Variants in WWC1 observed in about 807,000 individuals in gnomAD.
WWC1 encodes the protein WW and C2 domain containing 1.
Under a neutral mutation model 138.4 loss-of-function variants are expected in WWC1, and 55 were observed. The observed-to-expected ratio is 0.40, with a 90% CI of 0.32 to 0.50. The LOEUF is 0.50. WWC1 is among the 20% of genes least tolerant of loss of function. The pLI is 0.72. For synonymous variants in WWC1, 524 were observed against 564.9 expected (o/e 0.93, Z 1.03); for missense variants, 1,226 against 1,420.4 (o/e 0.86, Z 2.20).
Position 168,292,885 on chromosome 5 carries a change from G to A in WWC1, c.119+614G>A, listed in dbSNP as rs537782799. Among the ~76,000 whole-genome samples the A allele has an allele frequency of 6.6e-6, 1 of 152,186 alleles. No homozygotes were observed. Among genetic ancestry groups the A allele is most frequent in the African/African-American group, 2.4e-5 (1 of 41,454 alleles). On this transcript the variant is annotated intron_variant, in intron 1 of 22. Coordinates refer to ENST00000265293, the MANE Select transcript of WWC1 (RefSeq NM_015238.3). This position sits in a 1 kb window ranked among gnomAD's most constrained non-coding sequence, Gnocchi z 4.4. ...GAGGGTGGGGAGGAAGTGAAGAAGC[G>A]GGGGAGGGCAGATGAGGGAGACTGG...
At chr5:168,454,506 G>A (rs1444613865) in intron 18 of WWC1, among the ~76,000 whole-genome samples, 1 of 152,168 alleles carries the variant, frequency 6.6e-6, no homozygotes, top group African/African-American at 2.4e-5. Flanking sequence ...CTTTATGTGG[G>A]TCTGCCCACA....
At chr5:168,396,558 A>G (rs147376127) in intron 3 of WWC1, among the ~76,000 whole-genome samples, 150 of 152,318 alleles carry the variant, frequency 9.8e-4, no homozygotes, top group African/African-American at 3.2e-3. Context: ...CCGACCAAGA[A>G]TAACTGTTCT....
At chr5:168,383,938 T>C (rs1777843658) in intron 2 of WWC1, among the ~76,000 whole-genome samples, 1 of 152,212 alleles carries the variant, frequency 6.6e-6, no homozygotes, top group South Asian at 2.1e-4. Flanking sequence ...TACACATAAT[T>C]TTGTAAAAAA....
intron 1 of WWC1, among the ~76,000 whole-genome samples, chr5:168,342,747 C>G (rs1774143317): frequency 6.6e-6 from 1 of 152,088 alleles, no homozygotes. Flanking sequence ...GAAGACCCAG[C>G]TAAGGAAACC....
Position 168,293,784 on chromosome 5 carries a change from G to A in WWC1, c.119+1513G>A, listed in dbSNP as rs534449229. Among the ~76,000 whole-genome samples, 16 of 152,264 alleles carry A rather than the reference G, an allele frequency of 1.1e-4. No homozygotes were observed. In the South Asian group the frequency reaches 1.5e-3, roughly 14 times the overall value. On this transcript the variant is annotated intron_variant, in intron 1 of 22. Coordinates refer to ENST00000265293, the MANE Select transcript of WWC1 (RefSeq NM_015238.3). ...CCCAACTCCCATTTGAAACATAAGA[G>A]AAAATTTGAAGCCCAGAGGTGTGAT...
intron 2 of WWC1, among the ~76,000 whole-genome samples, chr5:168,375,095 T>G (rs1777065964): frequency 6.6e-6 from 1 of 152,054 alleles, no homozygotes; most frequent in Non-Finnish European, 1.5e-5. Flanking sequence ...CTTGACAGTT[T>G]GATATATAAA....
intron 1 of WWC1, among the ~76,000 whole-genome samples, chr5:168,297,433 C>T (rs534031777): frequency 3.4e-4 from 52 of 152,176 alleles, no homozygotes; most frequent in Non-Finnish European, 6.2e-4. Context: ...TCGAGACCAG[C>T]CTGACCAATA....
intron 21 of WWC1, among the ~76,000 whole-genome samples, chr5:168,465,695 T>C (rs1757234224): frequency 6.6e-6 from 1 of 151,744 alleles, no homozygotes; most frequent in Admixed American, 6.6e-5. Context: ...GTAACTGTGT[T>C]GACAGGTGCA....
intron 1 of WWC1, among the ~76,000 whole-genome samples, chr5:168,300,547 A>T (rs1581853425): frequency 6.7e-6 from 1 of 148,954 alleles, no homozygotes; most frequent in South Asian, 2.1e-4. Context: ...AAGAAAAGGG[A>T]CGGAGGCTTA....
intron 1 of WWC1, among the ~76,000 whole-genome samples, chr5:168,328,053 T>G (rs1283069721): frequency 6.6e-6 from 1 of 152,196 alleles, no homozygotes; most frequent in Non-Finnish European, 1.5e-5. Flanking sequence ...GTAACTTGCT[T>G]AAGGTCTCCC....
At chr5:168,430,286 C>G in intron 14 of WWC1, 63 bp downstream of exon 14, 1 of 1,378,140 alleles carries the variant, frequency 7.3e-7, no homozygotes, top group Non-Finnish European at 1.0e-6. Context: ...CCCTGGGGGT[C>G]ACTTTTCTGC....
At chr5:168,370,191 G>A (rs1023007769) in intron 1 of WWC1, among the ~76,000 whole-genome samples, 4 of 152,064 alleles carry the variant, frequency 2.6e-5, no homozygotes, top group Non-Finnish European at 4.4e-5. Context: ...GAATCACTGC[G>A]CTGGGCCCCG....
intron 1 of WWC1, among the ~76,000 whole-genome samples, chr5:168,345,708 A>G (rs1479135371): frequency 6.6e-6 from 1 of 152,184 alleles, no homozygotes; most frequent in East Asian, 1.9e-4. Flanking sequence ...CAATATTTGT[A>G]TAGGCATTGA....
In WWC1 at chr5:168,403,077, T is replaced by TTCTTTCTTTCTTC. The variant is rs1561712549; in HGVS notation, c.591-3121_591-3120insTCTTTCTTTCTTC. On this transcript the variant is annotated intron_variant, in intron 5 of 22. Transcript: ENST00000265293. Reference sequence around the variant, plus strand: ...TTCTTTCTTTCTTTCTTTCTTTCTTTCTTTTCTTTCTTTTCTTTCTTTCTT... The same window carrying TTCTTTCTTTCTTC: ...TTCTTTCTTTCTTTCTTTCTTTCTTTTCTTTCTTTCTTCCTTTTCTTTCTTTTCTTTCTTTCTT... 6.6e-4 allele frequency among the ~76,000 whole-genome samples: 90 copies of TTCTTTCTTTCTTC among 135,776 alleles called. 1 individual carries two copies. Among genetic ancestry groups the TTCTTTCTTTCTTC allele is most frequent in the Non-Finnish European group, 1.1e-3 (70 of 62,498 alleles). 89.1% of individuals were successfully genotyped at this position (135,776 alleles called of 152,430 possible).
chr5:168,440,413 A>G (rs984059640), intron 15 of WWC1, among the ~76,000 whole-genome samples: 3 of 152,242 alleles, frequency 2.0e-5, no homozygotes, highest in African/African-American at 7.2e-5. Context: ...TAGTTCCACT[A>G]AAAAATTAAA....
chr5:168,405,960 C>G (rs1055606822), intron 5 of WWC1, among the ~76,000 whole-genome samples: 1 of 152,092 alleles, frequency 6.6e-6, no homozygotes, highest in Non-Finnish European at 1.5e-5. Context: ...CTCCTGGCCT[C>G]AAGTGATCCA....
intron 6 of WWC1, 52 bp downstream of exon 6, chr5:168,406,379 C>G (rs781283821): frequency 6.2e-7 from 1 of 1,606,278 alleles, no homozygotes; most frequent in African/African-American, 1.3e-5. Flanking sequence ...CCTGAGTATT[C>G]CTGTATGCCA....
At position 168,292,356 on chromosome 5, in the gene WWC1, G is replaced by T; in HGVS notation, c.119+85G>T. On this transcript the variant is annotated intron_variant, in intron 1 of 22. Transcript: ENST00000265293. The surrounding 1 kb of genome is among the most constrained non-coding windows in gnomAD (Gnocchi z 4.4). ...CTGGAGCCGCCGGCCGGGACTGGGA[G>T]GGGGCAGGGGAGCTCTGCGTGCCTC... 4.7e-6 allele frequency: 7 copies of T among 1,476,296 alleles called. No individual in the cohort carries two copies. Among genetic ancestry groups the T allele is most frequent in the African/African-American group, 1.4e-5 (1 of 69,672 alleles). 91.4% of individuals were successfully genotyped at this position (1,476,296 alleles called of 1,614,324 possible). A position where few individuals can be genotyped will look rare whatever the true frequency, so the allele number is the denominator to read the frequency against.
intron 1 of WWC1, chr5:168,316,736 C>T (rs1237267056): frequency 6.6e-6 from 1 of 152,270 alleles, no homozygotes; most frequent in Non-Finnish European, 1.5e-5. Flanking sequence ...GGGGAGACTC[C>T]AGCTTTAGTT....
Sources: gnomAD v4.1 joint callset for allele counts (sites outside exome capture counted in the v4.1 genomes callset) on GRCh38, gnomAD v4.1.1 for gene constraint, Gnocchi (gnomAD v3.1) non-coding constraint, MANE v1.5 for transcripts, NCBI Gene and HGNC (gene_info 2026-07-23, HGNC 2026-07-21) for gene names.